BCL2L14: variants seen among roughly 807,000 people sequenced by gnomAD.
The protein encoded by BCL2L14 is BCL2 like 14.
Under a neutral mutation model 35.3 loss-of-function variants are expected in BCL2L14, and 27 were observed. That is an observed-to-expected ratio of 0.76 (90% CI 0.56 to 1.05). The LOEUF (loss-of-function observed/expected upper bound fraction) is 1.05, where lower values mean the gene tolerates loss of function less well. BCL2L14 is among the 50% of genes least tolerant of loss of function. The probability of loss-of-function intolerance (pLI) is 0.00; values close to 1 mark genes in which losing one functional copy is unlikely to be tolerated. For synonymous variants in BCL2L14, 139 were observed against 145.9 expected, an observed-to-expected ratio of 0.95 and a Z score of 0.34; for missense variants, 377 against 382.6, an observed-to-expected ratio of 0.99 and a Z score of 0.12.
chr12:12,081,226 A>G (rs1260811641), intron 2 of BCL2L14, among the ~76,000 whole-genome samples: 1 of 152,050 alleles, frequency 6.6e-6, no homozygotes, highest in African/African-American at 2.4e-5. Flanking sequence ...AGGCAGGAGG[A>G]TCACTTGACA....
intron 2 of BCL2L14, among the ~76,000 whole-genome samples, chr12:12,052,472 A>G (rs908367905): frequency 2.6e-5 from 4 of 152,108 alleles, no homozygotes; most frequent in Admixed American, 1.3e-4. Context: ...ATCGTGCAAT[A>G]TTTGTCTTTC....
At chr12:12,050,308 A>T (rs567990098) in intron 1 of BCL2L14, among the ~76,000 whole-genome samples, 1 of 151,804 alleles carries the variant, frequency 6.6e-6, no homozygotes, top group Middle Eastern at 3.4e-3. Context: ...TGGCGGGCGC[A>T]TGTAGTCCCA....
chr12:12,074,375 G>C (rs183016937), intron 1 of BCL2L14, among the ~76,000 whole-genome samples: 244 of 152,294 alleles, frequency 1.6e-3, no homozygotes, highest in Admixed American at 2.3e-3. Flanking sequence ...ATATCTTACA[G>C]TATGTCTACT....
At chr12:12,056,507 A>G (rs1279234249) in intron 2 of BCL2L14, among the ~76,000 whole-genome samples, 1 of 152,116 alleles carries the variant, frequency 6.6e-6, no homozygotes, top group Non-Finnish European at 1.5e-5. Context: ...TACCTGTGTT[A>G]TCTGTAAATA....
In BCL2L14 at chr12:12,079,703, G is replaced by A. The variant is rs760676853; in HGVS notation, c.398G>A (p.Cys133Tyr). The A allele has an allele frequency of 1.9e-6, 3 of 1,614,074 alleles. No homozygotes were observed. Among genetic ancestry groups the A allele is most frequent in the Non-Finnish European group, 1.7e-6 (2 of 1,180,034 alleles). The change falls in exon 2 of 6, where the codon TGT becomes TAT. Residue 133 changes from cysteine to tyrosine, a missense_variant. Physicochemically the swap from Cys to Tyr is radical, Grantham distance 194. Coordinates refer to ENST00000308721, the MANE Select transcript of BCL2L14 (RefSeq NM_138723.2). ...QDSHSQQWSR[C>Y]LSNVEQCLEH... ...TCGCACAGCCAGCAGTGGTCCAGGT[G>A]TCTTTCTAACGTGGAGCAGTGCTTG...
intron 5 of BCL2L14, chr12:12,095,792 T>C: frequency 1.0e-6 from 1 of 985,400 alleles, no homozygotes; most frequent in South Asian, 4.7e-5. Flanking sequence ...AAAGTGCAGC[T>C]GATCTTGCCC....
intron 5 of BCL2L14, among the ~76,000 whole-genome samples, chr12:12,097,017 G>T (rs1019909757): frequency 1.3e-5 from 2 of 152,284 alleles, no homozygotes; most frequent in South Asian, 4.2e-4. Flanking sequence ...GGTGGCAGGT[G>T]CCTGTAGTCC....
chr12:12,078,960 CTAA>C (rs1948845739), intron 1 of BCL2L14, among the ~76,000 whole-genome samples: 1 of 152,206 alleles, frequency 6.6e-6, no homozygotes, highest in Non-Finnish European at 1.5e-5. Context: ...CCATGCCTGG[CTAA>C]TTTTTGTATC....
At chr12:12,065,311 G>A (rs376797191) in intron 2 of BCL2L14, among the ~76,000 whole-genome samples, 5 of 152,182 alleles carry the variant, frequency 3.3e-5, no homozygotes, top group East Asian at 3.9e-4. Context: ...CGAGGCAGGC[G>A]GATCACTTGA....
upstream of BCL2L14, among the ~76,000 whole-genome samples, chr12:12,066,872 A>T (rs1382687392): frequency 6.6e-6 from 1 of 151,518 alleles, no homozygotes; most frequent in Non-Finnish European, 1.5e-5. Context: ...CACCATGTCT[A>T]GCTAATTTTT....
intron 2 of BCL2L14, chr12:12,055,735 C>A (rs1461140496): frequency 6.6e-6 from 1 of 152,202 alleles, no homozygotes; most frequent in Non-Finnish European, 1.5e-5. Context: ...TTGTCTCTGC[C>A]TTCTGTTGTT....
Position 12,061,637 on chromosome 12 carries a change from A to C in BCL2L14, c.-272+9790A>C, listed in dbSNP as rs138610997. On this transcript the variant is annotated intron_variant, in intron 2 of 3. Coordinates refer to the BCL2L14 transcript ENST00000461264. ...CCCATTATTCTGTTCTGGATCTCAAACATGCTTTCTTTACTATTCCTTTGC... is the reference window on the plus strand; with the variant it reads ...CCCATTATTCTGTTCTGGATCTCAACCATGCTTTCTTTACTATTCCTTTGC... Among the ~76,000 whole-genome samples the C allele has an allele frequency of 9.4e-3, 1,428 of 152,104 alleles. 23 individuals carry two copies. Among genetic ancestry groups the C allele is most frequent in the Middle Eastern group, 0.014 (4 of 294 alleles).
chr12:12,075,399 G>A (rs1361079299), intron 1 of BCL2L14, among the ~76,000 whole-genome samples: 3 of 138,268 alleles, frequency 2.2e-5, no homozygotes, highest in Non-Finnish European at 3.1e-5. Flanking sequence ...TGCCCTGCCT[G>A]ATATGTTTCT....
Position 12,099,108 on chromosome 12 carries a change from C to A in BCL2L14, c.*120C>A. 1.4e-6 allele frequency: 1 copy of A among 732,908 alleles called. No individual in the cohort carries two copies. The allele number at this position is 732,908 out of a possible 1,614,324, so 45.4% of individuals were successfully genotyped here. On this transcript the variant is annotated 3_prime_UTR_variant, in exon 6 of 6. Coordinates refer to ENST00000308721, the MANE Select transcript of BCL2L14 (RefSeq NM_138723.2). ...AGATGGAGCATTGACGTTTTCAAAA[C>A]CATTATTCCTGTGACTGGAGAGGCA... is the stretch of plus-strand genomic sequence containing the variant.
intron 2 of BCL2L14, among the ~76,000 whole-genome samples, chr12:12,060,006 C>T (rs1363343877): frequency 6.6e-6 from 1 of 151,956 alleles, no homozygotes; most frequent in African/African-American, 2.4e-5. Flanking sequence ...CCCACCTGTC[C>T]CCTCAGTCCC....
At chr12:12,087,541 G>A (rs1289527482) in intron 3 of BCL2L14, among the ~76,000 whole-genome samples, 155 bp downstream of exon 3, 2 of 152,212 alleles carry the variant, frequency 1.3e-5, no homozygotes, top group African/African-American at 2.4e-5. Flanking sequence ...TCCAGCTTGA[G>A]ACACCAGCCC....
chr12:12,051,527 C>G (rs777481292), intron 1 of BCL2L14, among the ~76,000 whole-genome samples: 9 of 151,910 alleles, frequency 5.9e-5, no homozygotes, highest in Non-Finnish European at 8.8e-5. Context: ...GGGAAGAATC[C>G]GCCCCACACA....
intron 2 of BCL2L14, among the ~76,000 whole-genome samples, chr12:12,061,150 G>A (rs559544995): frequency 3.6e-5 from 5 of 139,750 alleles, no homozygotes; most frequent in African/African-American, 1.1e-4. Context: ...TTATTAGACT[G>A]AGACACTTTA....
At chr12:12,090,659 A>T in intron 3 of BCL2L14, 120 bp from the exon 4 acceptor site, 1 of 627,882 alleles carries the variant, frequency 1.6e-6, no homozygotes. Context: ...AAAAAAAAAA[A>T]AGAATTAGCA....
Sources: gnomAD v4.1 joint callset for allele counts (sites outside exome capture counted in the v4.1 genomes callset) on GRCh38, gnomAD v4.1.1 for gene constraint, MANE v1.5 for transcripts, NCBI Gene and HGNC (gene_info 2026-07-23, HGNC 2026-07-21) for gene names.